The following TMEM181 variants were observed in gnomAD, a reference collection of about 807,000 sequenced individuals.
The protein encoded by TMEM181 is G protein-coupled receptor 178.
Under a neutral mutation model 71.9 loss-of-function variants are expected in TMEM181, and 39 were observed. The observed-to-expected ratio is 0.54, with a 90% CI of 0.42 to 0.71. The LOEUF (loss-of-function observed/expected upper bound fraction) is 0.71. Ranked by LOEUF, TMEM181 falls within the 30% of genes least tolerant of loss-of-function variation. The pLI is 0.00. For missense variants in TMEM181, 595 were observed against 583.0 expected (o/e 1.02, Z -0.21); for synonymous variants, 245 against 228.8 (o/e 1.07, Z -0.64).
At chr6:158,608,583 C>T in intron 9 of TMEM181, 76 bp from the exon 10 acceptor site, 4 of 1,595,690 alleles carry the variant, frequency 2.5e-6, no homozygotes, top group Non-Finnish European at 3.4e-6. Context: ...GGCCCATACT[C>T]AATGGAAAAA....
intron 6 of TMEM181, among the ~76,000 whole-genome samples, chr6:158,590,879 T>G (rs565735694): frequency 2.2e-4 from 34 of 152,334 alleles, no homozygotes; most frequent in African/African-American, 7.9e-4. Flanking sequence ...CCCACAGTCC[T>G]TGGCAATCAC....
chr6:158,631,430 T>TG, intron 16 of TMEM181, 41 bp downstream of exon 16: 3 of 1,597,688 alleles, frequency 1.9e-6, no homozygotes, highest in Non-Finnish European at 2.6e-6. Context: ...ACCTTGGGCA[T>TG]CCCGGCACGG....
chr6:158,588,437 C>CTTTTTGTTTG (rs890071490), intron 5 of TMEM181, among the ~76,000 whole-genome samples: 1 of 152,098 alleles, frequency 6.6e-6, no homozygotes, highest in Non-Finnish European at 1.5e-5. Flanking sequence ...GCCCTCTTGT[C>CTTTTTGTTTG]TTTTTGTTTG....
intron 1 of TMEM181, among the ~76,000 whole-genome samples, chr6:158,561,634 G>T (rs924561190): frequency 3.9e-5 from 6 of 152,150 alleles, no homozygotes; most frequent in Non-Finnish European, 7.3e-5. Context: ...CTTCTGCCAG[G>T]GTCCTGCGCT....
Position 158,608,449 on chromosome 6 carries a change from G to T in TMEM181, c.790G>T (p.Gly264Trp). 9 of 1,614,206 alleles carry T rather than the reference G, an allele frequency of 5.6e-6. No homozygotes were observed. The highest frequency in any genetic ancestry group is 7.6e-6 in the Non-Finnish European group (9 of 1,180,042). The change falls in exon 9 of 17, where the codon GGG becomes TGG. Residue 264 changes from glycine to tryptophan, a missense_variant. Physicochemically the swap from Gly to Trp is radical, Grantham distance 184. Coordinates refer to ENST00000684151, the MANE Select transcript of TMEM181 (RefSeq NM_001376852.1). The part of the protein sequence containing the change: ...LLLFWLCVYH[G>W]IRVQGERKCL... ...GCTCTTCTGGCTGTGCGTGTACCAC[G>T]GGATTCGTGTCCAGGTGAGCCGGAG...
chr6:158,552,921 G>C (rs546015704), intron 1 of TMEM181, among the ~76,000 whole-genome samples: 98 of 152,286 alleles, frequency 6.4e-4, no homozygotes, highest in African/African-American at 2.2e-3. Flanking sequence ...CAGGCACAGG[G>C]GCTCATGCCT....
At chr6:158,583,290 T>C (rs376002672) in intron 3 of TMEM181, among the ~76,000 whole-genome samples, 1 of 152,194 alleles carries the variant, frequency 6.6e-6, no homozygotes, top group African/African-American at 2.4e-5. Context: ...ATTCCTTTGG[T>C]ATTCTTTATT....
intron 10 of TMEM181, among the ~76,000 whole-genome samples, chr6:158,619,371 G>A (rs1283745519): frequency 1.3e-5 from 2 of 152,132 alleles, no homozygotes; most frequent in Admixed American, 6.5e-5. Flanking sequence ...TCTCTGTGCT[G>A]TTTATTCTAG....
At chr6:158,587,766 C>T (rs959703622) in intron 5 of TMEM181, among the ~76,000 whole-genome samples, 3 of 151,956 alleles carry the variant, frequency 2.0e-5, no homozygotes, top group Non-Finnish European at 4.4e-5. Flanking sequence ...AGCAGCAGAA[C>T]CGTGGTTTGA....
At chr6:158,596,016 G>C (rs371893026) in intron 6 of TMEM181, among the ~76,000 whole-genome samples, 1 of 152,244 alleles carries the variant, frequency 6.6e-6, no homozygotes, top group East Asian at 1.9e-4. Context: ...CCGCCTCCTG[G>C]GTTCATGCCA....
At position 158,600,671 on chromosome 6, in the gene TMEM181, A is replaced by G. The variant is rs193157818; in HGVS notation, c.493-4596A>G. Reference sequence around the variant, plus strand: ...TTTTTAGTAGAGATGGGGTTTTGCGATGTTGCCCAGGCTGGTCTCAAATTC... The same window carrying G: ...TTTTTAGTAGAGATGGGGTTTTGCGGTGTTGCCCAGGCTGGTCTCAAATTC... On this transcript the variant is annotated intron_variant, in intron 6 of 16. Coordinates refer to ENST00000684151, the MANE Select transcript of TMEM181 (RefSeq NM_001376852.1). Among the ~76,000 whole-genome samples, 4 of 151,410 alleles carry G rather than the reference A, an allele frequency of 2.6e-5. No homozygotes were observed. In the East Asian group the frequency reaches 7.8e-4, roughly 30 times the overall value.
chr6:158,608,043 C>T (rs563476165), intron 8 of TMEM181, among the ~76,000 whole-genome samples: 159 of 152,366 alleles, frequency 1.0e-3, no homozygotes, highest in African/African-American at 3.7e-3. Context: ...GCAATCTGTT[C>T]AGTGGCTTTT....
chr6:158,579,837 T>C (rs890437139), intron 2 of TMEM181, among the ~76,000 whole-genome samples: 5 of 152,212 alleles, frequency 3.3e-5, no homozygotes, highest in African/African-American at 1.2e-4. Context: ...ATAAATACTA[T>C]AAGATTCACT....
In TMEM181 at chr6:158,573,376, G is replaced by A. The variant is rs374357756; in HGVS notation, c.9-44G>A. 31 of 1,496,434 alleles carry A rather than the reference G, an allele frequency of 2.1e-5. No homozygotes were observed. In the African/African-American group the frequency reaches 3.5e-4, roughly 17 times the overall value. 92.7% of individuals were successfully genotyped at this position (1,496,434 alleles called of 1,614,324 possible). On this transcript the variant is annotated intron_variant, in intron 1 of 16. Coordinates refer to ENST00000684151, the MANE Select transcript of TMEM181 (RefSeq NM_001376852.1). Reference sequence around the variant, plus strand: ...GCAGGGCCGCTTTCCTGTGACCTCCGGGCCTTCCCCTGACCGTCCCTCACT... The same window carrying A: ...GCAGGGCCGCTTTCCTGTGACCTCCAGGCCTTCCCCTGACCGTCCCTCACT...
At chr6:158,615,295 A>T (rs1785554050) in intron 10 of TMEM181, among the ~76,000 whole-genome samples, 1 of 152,216 alleles carries the variant, frequency 6.6e-6, no homozygotes, top group African/African-American at 2.4e-5. Flanking sequence ...TCTTTTGAGA[A>T]GTGTCTGTTC....
intron 15 of TMEM181, 33 bp downstream of exon 15, chr6:158,629,852 G>A (rs898814460): frequency 6.4e-7 from 1 of 1,573,862 alleles, no homozygotes; most frequent in Middle Eastern, 1.7e-4. Flanking sequence ...CTGCTGGCCA[G>A]TTAGCGGGCA....
chr6:158,538,680 T>C (rs1582906348), intron 1 of TMEM181, among the ~76,000 whole-genome samples: 1 of 152,156 alleles, frequency 6.6e-6, no homozygotes, highest in Middle Eastern at 3.2e-3. Flanking sequence ...CAAGACAGGG[T>C]CTCTGCTCTC....
rs148715765 is a variant in TMEM181, at chr6:158,609,613, C to T, written c.896+863C>T. 833 of 169,396 alleles carry T rather than the reference C, an allele frequency of 4.9e-3. 12 individuals carry two copies. The highest frequency in any genetic ancestry group is 0.019 in the African/African-American group (790 of 41,908). The allele number at this position is 169,396 out of a possible 1,614,324, so 10.5% of individuals were successfully genotyped here. A position where few individuals can be genotyped will look rare whatever the true frequency, so the allele number is the denominator to read the frequency against. On this transcript the variant is annotated intron_variant, in intron 10 of 16. Coordinates refer to ENST00000684151, the MANE Select transcript of TMEM181 (RefSeq NM_001376852.1). ...CCAGTCGGCCTTCCAAACACATCCT[C>T]CCCCTGGGACACAGACTTCAGGCCA...
chr6:158,550,892 GAA>G (rs368216274), intron 1 of TMEM181, among the ~76,000 whole-genome samples: 48,803 of 86,076 alleles, frequency 0.57, 10,610 homozygotes, highest in East Asian at 0.67. Context: ...TCTGTCTCAG[GAA>G]AAAAAAAAAA....
Sources: allele counts gnomAD v4.1 joint callset (sites outside exome capture counted in the v4.1 genomes callset), GRCh38; gene constraint gnomAD v4.1.1; transcripts MANE v1.5; gene names NCBI Gene and HGNC (gene_info 2026-07-23, HGNC 2026-07-21).